CSMD1: variants seen among roughly 807,000 people sequenced by gnomAD.
The protein encoded by CSMD1 is CUB and Sushi multiple domains 1.
Under a neutral mutation model 417.5 loss-of-function variants are expected in CSMD1, and 213 were observed. That is an observed-to-expected ratio of 0.51 (90% CI 0.46 to 0.57). The LOEUF (loss-of-function observed/expected upper bound fraction) is 0.57. Ranked by LOEUF, CSMD1 falls within the 20% of genes least tolerant of loss-of-function variation. The pLI, the probability that CSMD1 is intolerant of heterozygous loss-of-function variation, is 0.00. For synonymous variants in CSMD1, 2,862 were observed against 1,736.8 expected, an observed-to-expected ratio of 1.65 and a Z score of -16.11; for missense variants, 6,923 against 4,529.7, an observed-to-expected ratio of 1.53 and a Z score of -15.17.
chr8:3,668,922 C>T (rs969203639), intron 7 of CSMD1, among the ~76,000 whole-genome samples: 2 of 152,154 alleles, frequency 1.3e-5, no homozygotes, highest in African/African-American at 4.8e-5. Flanking sequence ...TCAGCCATAG[C>T]TCTTTGAGAG....
At chr8:4,257,463 A>G (rs887634598) in intron 3 of CSMD1, among the ~76,000 whole-genome samples, 1 of 152,174 alleles carries the variant, frequency 6.6e-6, no homozygotes, top group Non-Finnish European at 1.5e-5. Context: ...CTTCCTTAAT[A>G]GTTTTAAGAA....
chr8:3,981,440 C>G (rs1212223330), intron 5 of CSMD1, among the ~76,000 whole-genome samples: 1 of 143,706 alleles, frequency 7.0e-6, no homozygotes, highest in African/African-American at 2.6e-5. Flanking sequence ...CAAATCACCG[C>G]TAAAGAACTT....
chr8:3,836,279 C>A lies in CSMD1; in HGVS notation c.819-82237G>T, dbSNP rs536370695. Among the ~76,000 whole-genome samples the A allele has an allele frequency of 5.3e-5, 8 of 152,154 alleles. No homozygotes were observed. In the South Asian group the frequency reaches 1.7e-3, roughly 32 times the overall value. ...TATTTCACAATGTGGCATTAAAAAA[C>A]TGATTGAAGCTTGTAACAAGTCAAA... On this transcript the variant is annotated intron_variant, in intron 5 of 69. Coordinates refer to ENST00000635120, the MANE Select transcript of CSMD1 (RefSeq NM_033225.6).
chr8:3,341,790 C>A (rs1385237133), intron 23 of CSMD1, among the ~76,000 whole-genome samples: 1 of 152,188 alleles, frequency 6.6e-6, no homozygotes, highest in Admixed American at 6.5e-5. Flanking sequence ...TACCCACAGG[C>A]TTTTCAAACA....
At chr8:4,906,165 C>G (rs906329556) in intron 1 of CSMD1, among the ~76,000 whole-genome samples, 1 of 152,150 alleles carries the variant, frequency 6.6e-6, no homozygotes, top group East Asian at 1.9e-4. Context: ...AAGGAAGTTT[C>G]CTGTGAGAAC....
intron 2 of CSMD1, among the ~76,000 whole-genome samples, chr8:4,613,118 T>C (rs1385775246): frequency 6.6e-6 from 1 of 152,158 alleles, no homozygotes; most frequent in Admixed American, 6.5e-5. Context: ...CACACACAGG[T>C]ACACAATTCT....
chr8:3,986,090 G>A (rs375198359), intron 5 of CSMD1, among the ~76,000 whole-genome samples: 13 of 151,956 alleles, frequency 8.6e-5, no homozygotes, highest in Middle Eastern at 3.4e-3. Flanking sequence ...CAAGGATCTC[G>A]TTCGTATCTG....
At chr8:3,060,778 G>T (rs1417036300) in intron 49 of CSMD1, among the ~76,000 whole-genome samples, 2 of 152,150 alleles carry the variant, frequency 1.3e-5, no homozygotes, top group East Asian at 3.9e-4. Flanking sequence ...AGGTGATCAG[G>T]TCATGAGAGC....
At chr8:3,657,648 G>C (rs2469387) in intron 7 of CSMD1, among the ~76,000 whole-genome samples, 65,233 of 151,872 alleles carry the variant, frequency 0.43, 14,359 homozygotes, top group Middle Eastern at 0.49. Context: ...TGAACAATGA[G>C]AACACATGGA....
At chr8:4,949,609 G>T (rs954728726) in intron 1 of CSMD1, among the ~76,000 whole-genome samples, 29 of 152,132 alleles carry the variant, frequency 1.9e-4, no homozygotes, top group Non-Finnish European at 2.9e-5. Flanking sequence ...CCAGTCAATT[G>T]CCCTTCCACA....
intron 5 of CSMD1, among the ~76,000 whole-genome samples, chr8:3,963,187 C>T (rs1812442387): frequency 6.6e-6 from 1 of 152,166 alleles, no homozygotes; most frequent in African/African-American, 2.4e-5. Context: ...CATTCTCGGC[C>T]TCCCAAAGTG....
intron 23 of CSMD1, among the ~76,000 whole-genome samples, chr8:3,311,106 C>T (rs986364797): frequency 2.0e-5 from 3 of 152,138 alleles, no homozygotes; most frequent in African/African-American, 7.2e-5. Flanking sequence ...AACTAACTTT[C>T]CAAATGTCTT....
At chr8:4,436,901 C>A (rs186300268) in intron 2 of CSMD1, among the ~76,000 whole-genome samples, 19 of 152,144 alleles carry the variant, frequency 1.2e-4, no homozygotes, top group African/African-American at 4.6e-4. Context: ...ACCACATTTT[C>A]TTTATCCATT....
intron 2 of CSMD1, among the ~76,000 whole-genome samples, chr8:4,517,020 G>C (rs1233434226): frequency 1.3e-5 from 2 of 152,116 alleles, no homozygotes; most frequent in Non-Finnish European, 2.9e-5. Flanking sequence ...TATAGTTTAA[G>C]ATTTGGAAGA....
chr8:3,307,111 A>G (rs1296230604), intron 25 of CSMD1, among the ~76,000 whole-genome samples: 1 of 152,146 alleles, frequency 6.6e-6, no homozygotes, highest in African/African-American at 2.4e-5. Context: ...CTTCCTATTA[A>G]AAGAACAGTA....
intron 7 of CSMD1, among the ~76,000 whole-genome samples, chr8:3,668,583 C>T (rs943767875): frequency 6.6e-6 from 1 of 152,062 alleles, no homozygotes; most frequent in Non-Finnish European, 1.5e-5. Context: ...CTGGTCCTTA[C>T]TACAGAAAAT....
intron 3 of CSMD1, among the ~76,000 whole-genome samples, chr8:4,037,455 A>G (rs373300566): frequency 2.0e-5 from 3 of 152,314 alleles, no homozygotes; most frequent in South Asian, 2.1e-4. Context: ...GACCATTTCA[A>G]TGGTTTGCTT....
chr8:4,667,037 G>C (rs1192241872), intron 1 of CSMD1, among the ~76,000 whole-genome samples: 3 of 152,106 alleles, frequency 2.0e-5, no homozygotes, highest in African/African-American at 7.2e-5. Context: ...TATAATGTGA[G>C]ATATAAGTAA....
At chr8:4,944,360 A>C (rs1483601365) in intron 1 of CSMD1, among the ~76,000 whole-genome samples, 2 of 152,246 alleles carry the variant, frequency 1.3e-5, no homozygotes, top group South Asian at 2.1e-4. Flanking sequence ...GGTTTAAATT[A>C]TAAGGGCCAG....
Sources: allele counts gnomAD v4.1 joint callset (sites outside exome capture counted in the v4.1 genomes callset), GRCh38; gene constraint gnomAD v4.1.1; transcripts MANE v1.5; gene names NCBI Gene and HGNC (gene_info 2026-07-23, HGNC 2026-07-21).